Variants in FBXO36 observed in about 807,000 individuals in gnomAD.
FBXO36 encodes the protein F-box protein 36.
In FBXO36, 18 loss-of-function variants were observed where a neutral mutation model predicts 17.0. That is an observed-to-expected ratio of 1.06 (90% confidence interval 0.73 to 1.57). The LOEUF (loss-of-function observed/expected upper bound fraction) is 1.57. Among genes scored for constraint, FBXO36 ranks in the 40% most tolerant of loss-of-function variants. The pLI is 0.00. For synonymous variants in FBXO36, 83 were observed against 85.3 expected, an observed-to-expected ratio of 0.97 and a Z score of 0.15; for missense variants, 229 against 221.9, an observed-to-expected ratio of 1.03 and a Z score of -0.20.
At chr2:229,991,064 C>T (rs1188162692) in intron 2 of FBXO36, among the ~76,000 whole-genome samples, 3 of 151,734 alleles carry the variant, frequency 2.0e-5, no homozygotes, top group East Asian at 1.9e-4. Flanking sequence ...GCCTCCCTAG[C>T]AGCTGGGATT....
chr2:229,995,601 T>C (rs1380970910), intron 2 of FBXO36, among the ~76,000 whole-genome samples: 20 of 145,846 alleles, frequency 1.4e-4, no homozygotes, highest in Admixed American at 4.1e-4. Flanking sequence ...TCTTTCTTTT[T>C]TTTTTTTTTG....
chr2:229,989,869 G>A (rs2077289703), intron 2 of FBXO36, among the ~76,000 whole-genome samples: 1 of 151,936 alleles, frequency 6.6e-6, no homozygotes, highest in Non-Finnish European at 1.5e-5. Flanking sequence ...CACCGCACCC[G>A]GCTCATGATG....
chr2:229,944,592 C>CTTTT (rs58905595), intron 1 of FBXO36, among the ~76,000 whole-genome samples: 6 of 88,408 alleles, frequency 6.8e-5, no homozygotes, highest in South Asian at 4.0e-4. Context: ...TTTTCTTTTT[C>CTTTT]TTTTTTTTTT....
chr2:230,004,557 C>T (rs1241010773), intron 3 of FBXO36, among the ~76,000 whole-genome samples: 4 of 152,072 alleles, frequency 2.6e-5, no homozygotes, highest in South Asian at 2.1e-4. Flanking sequence ...CATGTCCTTC[C>T]GGAGATATTC....
At chr2:229,956,409 A>C (rs1024085651) in intron 1 of FBXO36, among the ~76,000 whole-genome samples, 2 of 152,242 alleles carry the variant, frequency 1.3e-5, no homozygotes, top group African/African-American at 4.8e-5. Context: ...TAAACAGATT[A>C]ACAATAGAAA....
chr2:230,010,698 G>T lies in FBXO36; in HGVS notation c.381G>T (p.Leu127=), dbSNP rs2077411055. ...LCQTSHRFAK[L]CMSDKLWEQI... ...CCTCTGACTTTTCCCACCCACAGCT[G>T]TGCATGTCTGATAAACTGTGGGAAC... The change falls in exon 4 of 4, where the codon CTG becomes CTT. Residue 127 remains leucine (L), a splice_region_variant and synonymous_variant. Transcript: ENST00000283946. 1 of 1,607,350 alleles carries T rather than the reference G, an allele frequency of 6.2e-7. No individual in the cohort carries two copies. The highest frequency in any genetic ancestry group is 8.5e-7 in the Non-Finnish European group (1 of 1,174,914).
intron 1 of FBXO36, among the ~76,000 whole-genome samples, chr2:229,945,854 C>G (rs1183525094): frequency 6.6e-6 from 1 of 151,658 alleles, no homozygotes; most frequent in East Asian, 2.0e-4. Flanking sequence ...GAAACCCTGT[C>G]TCTACGAAAA....
chr2:229,964,388 G>C (rs1025045411), intron 1 of FBXO36, among the ~76,000 whole-genome samples: 1 of 151,978 alleles, frequency 6.6e-6, no homozygotes, highest in African/African-American at 2.4e-5. Flanking sequence ...TCATTGATCT[G>C]ATTTCTGTTT....
At chr2:229,983,220 AC>A (rs1311271190) in intron 2 of FBXO36, among the ~76,000 whole-genome samples, 1 of 152,112 alleles carries the variant, frequency 6.6e-6, no homozygotes, top group Non-Finnish European at 1.5e-5. Flanking sequence ...TACTAAAAAT[AC>A]AAAATTAGCC....
chr2:230,002,024 G>GA (rs2077361792), intron 3 of FBXO36, among the ~76,000 whole-genome samples: 1 of 151,976 alleles, frequency 6.6e-6, no homozygotes. Flanking sequence ...TTTTGGTAGA[G>GA]ACGGGGTTTT....
intron 1 of FBXO36, among the ~76,000 whole-genome samples, chr2:229,946,278 C>A (rs1275707328): frequency 1.3e-5 from 2 of 152,160 alleles, no homozygotes; most frequent in Non-Finnish European, 2.9e-5. Flanking sequence ...GTCCTACCCC[C>A]TTGTAAAAAT....
intron 3 of FBXO36, among the ~76,000 whole-genome samples, chr2:230,008,432 A>G (rs1396261382): frequency 1.3e-5 from 2 of 152,146 alleles, no homozygotes; most frequent in Non-Finnish European, 2.9e-5. Flanking sequence ...TCGTTTTGCA[A>G]CCTGGCAACT....
intron 3 of FBXO36, among the ~76,000 whole-genome samples, chr2:230,000,613 C>T (rs1026549877): frequency 1.3e-5 from 2 of 152,060 alleles, no homozygotes; most frequent in South Asian, 2.1e-4. Flanking sequence ...TCACGCTGAG[C>T]GGCTGCCTTC....
At chr2:230,010,129 C>T (rs564364974) in intron 3 of FBXO36, among the ~76,000 whole-genome samples, 5 of 150,982 alleles carry the variant, frequency 3.3e-5, no homozygotes, top group African/African-American at 7.3e-5. Context: ...AGTGTGGTGG[C>T]GCATGCCTGT....
intron 1 of FBXO36, chr2:229,932,916 A>G: frequency 3.1e-6 from 1 of 320,024 alleles, no homozygotes; most frequent in Non-Finnish European, 6.5e-6. Flanking sequence ...AAAAACTAAA[A>G]ATTAGCCGGG....
chr2:229,964,829 T>G (rs1312045925), intron 1 of FBXO36, among the ~76,000 whole-genome samples: 1 of 152,192 alleles, frequency 6.6e-6, no homozygotes, highest in Non-Finnish European at 1.5e-5. Context: ...CGTGTATCAG[T>G]ATTTCTTTTT....
chr2:229,974,488 G>A (rs539591750), intron 1 of FBXO36, among the ~76,000 whole-genome samples: 2 of 152,270 alleles, frequency 1.3e-5, no homozygotes, highest in East Asian at 1.9e-4. Context: ...GTTAGTATAA[G>A]GAATGTCGAA....
chr2:229,939,806 G>C (rs939224722), intron 1 of FBXO36, among the ~76,000 whole-genome samples: 1 of 152,166 alleles, frequency 6.6e-6, no homozygotes, highest in Non-Finnish European at 1.5e-5. Flanking sequence ...GAACCGCCGG[G>C]CGCCGTGGCT....
chr2:229,957,833 AAC>A (rs2077096933), intron 1 of FBXO36, among the ~76,000 whole-genome samples: 1 of 152,206 alleles, frequency 6.6e-6, no homozygotes, highest in African/African-American at 2.4e-5. Context: ...ATTAGACACT[AAC>A]AGAGTTCCTT....
Sources: gnomAD v4.1 joint callset for allele counts (sites outside exome capture counted in the v4.1 genomes callset) on GRCh38, gnomAD v4.1.1 for gene constraint, MANE v1.5 for transcripts, NCBI Gene and HGNC (gene_info 2026-07-23, HGNC 2026-07-21) for gene names.